Variants in KCNIP4 observed in about 807,000 individuals in gnomAD.
KCNIP4 encodes the protein potassium voltage-gated channel interacting protein 4.
In KCNIP4, 12 loss-of-function variants were observed where a neutral mutation model predicts 34.0. The observed-to-expected ratio is 0.35, with a 90% CI of 0.23 to 0.57. The LOEUF is 0.57. Ranked by LOEUF, KCNIP4 falls within the 20% of genes least tolerant of loss-of-function variation. KCNIP4 has a pLI of 0.83. For missense variants in KCNIP4, 238 were observed against 311.7 expected (o/e 0.76, Z 1.78); for synonymous variants, 124 against 102.2 (o/e 1.21, Z -1.29).
intron 1 of KCNIP4, among the ~76,000 whole-genome samples, chr4:21,650,319 T>A (rs1364777070): frequency 6.6e-6 from 1 of 152,250 alleles, no homozygotes; most frequent in Non-Finnish European, 1.5e-5. Context: ...TATCATATGG[T>A]GTTTGTTTTT....
chr4:20,777,879 AT>A (rs1756508886), intron 3 of KCNIP4, among the ~76,000 whole-genome samples: 1 of 152,230 alleles, frequency 6.6e-6, no homozygotes. Flanking sequence ...CCTTTAGCAC[AT>A]AGGTATAGAG....
chr4:21,442,363 C>G (rs1316992451), intron 1 of KCNIP4, among the ~76,000 whole-genome samples: 2 of 152,174 alleles, frequency 1.3e-5, no homozygotes, highest in East Asian at 3.9e-4. Flanking sequence ...AGTTAGGATT[C>G]AAGTAAAGGG....
At chr4:21,136,765 G>A (rs1161146584) in intron 1 of KCNIP4, among the ~76,000 whole-genome samples, 1 of 152,156 alleles carries the variant, frequency 6.6e-6, no homozygotes, top group Non-Finnish European at 1.5e-5. Flanking sequence ...AGCAGTGTCA[G>A]TCAGACCCCA....
At chr4:21,537,492 C>T (rs1560498246) in intron 1 of KCNIP4, among the ~76,000 whole-genome samples, 1 of 151,918 alleles carries the variant, frequency 6.6e-6, no homozygotes, top group Non-Finnish European at 1.5e-5. Context: ...ATAATGTAGC[C>T]CTTGGCACAT....
intron 1 of KCNIP4, among the ~76,000 whole-genome samples, chr4:21,907,713 T>A (rs1728079307): frequency 6.6e-6 from 1 of 152,148 alleles, no homozygotes; most frequent in African/African-American, 2.4e-5. Flanking sequence ...ACCCTTGACA[T>A]AAGCAGATTT....
At chr4:21,276,273 C>A (rs920361539) in intron 1 of KCNIP4, among the ~76,000 whole-genome samples, 1 of 152,120 alleles carries the variant, frequency 6.6e-6, no homozygotes, top group African/African-American at 2.4e-5. Context: ...TTCTAGCCTC[C>A]AGAACTGTGA....
Position 20,952,427 on chromosome 4 carries a change from A to C in KCNIP4, c.62-69718T>G, listed in dbSNP as rs1392119977. On this transcript the variant is annotated intron_variant, in intron 1 of 8. Coordinates refer to ENST00000382152, the MANE Select transcript of KCNIP4 (RefSeq NM_025221.6). Reference sequence around the variant, plus strand: ...ATTCAATTATCACAATGTATGTACTAAAGTTATTACCATACTTATTCTTTC... The same window carrying C: ...ATTCAATTATCACAATGTATGTACTCAAGTTATTACCATACTTATTCTTTC... 2.0e-5 allele frequency among the ~76,000 whole-genome samples: 3 copies of C among 152,322 alleles called. No homozygotes were observed. In the East Asian group the frequency reaches 5.8e-4, roughly 29 times the overall value.
chr4:21,892,399 G>A (rs1366123250), intron 1 of KCNIP4, among the ~76,000 whole-genome samples: 2 of 151,874 alleles, frequency 1.3e-5, no homozygotes, highest in Non-Finnish European at 2.9e-5. Context: ...GGCAGTTAGT[G>A]ACTGTTGTAG....
chr4:20,839,063 A>G (rs944201272), intron 3 of KCNIP4, among the ~76,000 whole-genome samples: 11 of 152,138 alleles, frequency 7.2e-5, no homozygotes, highest in African/African-American at 2.4e-4. Flanking sequence ...AATAAAAGTA[A>G]CCACAATAAA....
rs543354023 is a variant in KCNIP4 at position 21,198,555 on chromosome 4, G to A, written c.62-315846C>T. Among the ~76,000 whole-genome samples, 7 of 152,294 alleles carry A rather than the reference G, an allele frequency of 4.6e-5. No individual in the cohort carries two copies. The South Asian group carries it at 1.5e-3, about 32-fold the overall frequency. On this transcript the variant is annotated intron_variant, in intron 1 of 8. Transcript: ENST00000382152. ...GGCACTGTATTGTGCCCCAGAGGAA[G>A]GCAGTCTCCTGTATGCAAGTCTTTA...
intron 3 of KCNIP4, among the ~76,000 whole-genome samples, chr4:20,821,207 AAAG>A (rs1314000536): frequency 3.1e-4 from 47 of 152,342 alleles, no homozygotes; most frequent in African/African-American, 1.1e-3. Flanking sequence ...ACATGGAGTC[AAAG>A]AAGATTATTA....
intron 3 of KCNIP4, among the ~76,000 whole-genome samples, chr4:20,796,747 T>A (rs1276951102): frequency 6.6e-6 from 1 of 152,110 alleles, no homozygotes; most frequent in African/African-American, 2.4e-5. Context: ...AAAAATCATT[T>A]GAAATGCATA....
chr4:21,013,640 C>T (rs1041002405), intron 1 of KCNIP4, among the ~76,000 whole-genome samples: 1 of 152,102 alleles, frequency 6.6e-6, no homozygotes, highest in Non-Finnish European at 1.5e-5. Context: ...TTTCCTTTTA[C>T]ACAAGATAAA....
At chr4:21,411,989 T>A (rs1281328428) in intron 1 of KCNIP4, among the ~76,000 whole-genome samples, 2 of 152,216 alleles carry the variant, frequency 1.3e-5, no homozygotes, top group Non-Finnish European at 2.9e-5. Flanking sequence ...AGAGCTACAG[T>A]GTACTGAAAC....
intron 1 of KCNIP4, among the ~76,000 whole-genome samples, chr4:20,936,088 T>C (rs548541155): frequency 6.6e-6 from 1 of 151,980 alleles, no homozygotes; most frequent in South Asian, 2.1e-4. Flanking sequence ...ATACAGTTTT[T>C]TTTTTAACTT....
At chr4:21,765,837 A>C (rs940279760) in intron 1 of KCNIP4, among the ~76,000 whole-genome samples, 2 of 149,616 alleles carry the variant, frequency 1.3e-5, no homozygotes, top group South Asian at 2.1e-4. Flanking sequence ...AAAAAAAAAA[A>C]AACAAACTGA....
chr4:21,279,469 T>C (rs977136615), intron 1 of KCNIP4, among the ~76,000 whole-genome samples: 9 of 151,212 alleles, frequency 6.0e-5, no homozygotes, highest in Middle Eastern at 3.5e-3. Context: ...TGTTTCACCA[T>C]ACAGAACTTT....
intron 1 of KCNIP4, among the ~76,000 whole-genome samples, chr4:21,453,840 G>A (rs1171783918): frequency 2.0e-5 from 3 of 152,094 alleles, no homozygotes; most frequent in African/African-American, 7.2e-5. Flanking sequence ...AGTGCTGCGT[G>A]ATGGCTGAGC....
intron 1 of KCNIP4, among the ~76,000 whole-genome samples, chr4:20,886,723 T>C (rs1725355026): frequency 6.6e-6 from 1 of 152,178 alleles, no homozygotes; most frequent in Admixed American, 6.5e-5. Context: ...AGTGTATCAC[T>C]GAGGTAATAG....
Sources: gnomAD v4.1 joint callset for allele counts (sites outside exome capture counted in the v4.1 genomes callset) on GRCh38, gnomAD v4.1.1 for gene constraint, MANE v1.5 for transcripts, NCBI Gene and HGNC (gene_info 2026-07-23, HGNC 2026-07-21) for gene names.